CHST12: variants seen among roughly 807,000 people sequenced by gnomAD.
CHST12 encodes carbohydrate (chondroitin 4) sulfotransferase 12.
In CHST12, 23 loss-of-function variants were observed where a neutral mutation model predicts 27.9. That is an observed-to-expected ratio of 0.82 (90% confidence interval 0.59 to 1.17). The LOEUF (loss-of-function observed/expected upper bound fraction) is 1.17. Among genes scored for constraint, CHST12 ranks in the 50% most tolerant of loss-of-function variants. The pLI, the probability that CHST12 is intolerant of heterozygous loss-of-function variation, is 0.00. For synonymous variants in CHST12, 322 were observed against 273.0 expected, an observed-to-expected ratio of 1.18 and a Z score of -1.77; for missense variants, 682 against 603.0, an observed-to-expected ratio of 1.13 and a Z score of -1.37.
chr7:2,417,793 C>G (rs1306138693), intron 1 of CHST12, among the ~76,000 whole-genome samples: 1 of 152,206 alleles, frequency 6.6e-6, no homozygotes, highest in South Asian at 2.1e-4. Flanking sequence ...GGATGTTACT[C>G]TCCTCCAGAA....
Position 2,411,357 on chromosome 7 carries a change from C to T in CHST12, c.-78+7684C>T, listed in dbSNP as rs566320528. Among the ~76,000 whole-genome samples, 3 of 152,272 alleles carry T rather than the reference C, an allele frequency of 2.0e-5. No individual in the cohort carries two copies. In the South Asian group the frequency reaches 6.2e-4, roughly 32 times the overall value. ...TTGGCCACCTAAAGTGTTGGGATTA[C>T]AGGCATCAGCCACTGCACCTGGCTG... On this transcript the variant is annotated intron_variant, in intron 1 of 1. Transcript: ENST00000618655.
Position 2,433,888 on chromosome 7 carries a change from C to A in CHST12, c.*4C>A. ...CGAAAACCTCCTCCGAGACTGAAAG[C>A]TTTCGCGTTGCTTTTTCTCGCGTGC... On this transcript the variant is annotated 3_prime_UTR_variant, in exon 2 of 2. Transcript: ENST00000618655. The surrounding 1 kb of genome is among the most constrained non-coding windows in gnomAD (Gnocchi z 6.1). 6.4e-7 allele frequency: 1 copy of A among 1,553,970 alleles called. No homozygotes were observed. Among genetic ancestry groups the A allele is most frequent in the South Asian group, 1.2e-5 (1 of 86,106 alleles).
Position 2,439,878 on chromosome 7 carries a change from T to G in CHST12, c.*5994T>G, listed in dbSNP as rs1782560581. 6.6e-6 allele frequency: 1 copy of G among 151,828 alleles called. No individual in the cohort carries two copies. Among genetic ancestry groups the G allele is most frequent in the Non-Finnish European group, 1.5e-5 (1 of 67,976 alleles). The allele number at this position is 151,828 out of a possible 1,614,324, so 9.4% of individuals were successfully genotyped here. ...CTGGGCGACAGAGCGAGACTCCGTC[T>G]CAAAAAAAAATTTTTTTTTTTGGTA... On this transcript the variant is annotated 3_prime_UTR_variant, in exon 2 of 2. Coordinates refer to ENST00000618655, the MANE Select transcript of CHST12 (RefSeq NM_018641.5).
rs947567953 is a variant in CHST12, at chr7:2,433,718, G to C, written c.1079G>C (p.Arg360Pro). ...CTGCTGCAGCTACTCCAGGTGGACC[G>C]GCAGCTCCGCTTCCCCCCGAGCTAC... is the stretch of plus-strand genomic sequence containing the variant. ...AQLLQLLQVD[R>P]QLRFPPSYRN... is the part of the protein sequence containing the mutation. Residue 360 changes from arginine to proline, a missense_variant, in exon 2 of 2, where the codon CGG becomes CCG. Transcript: ENST00000618655. The surrounding 1 kb of genome is among the most constrained non-coding windows in gnomAD (Gnocchi z 6.1). 9 of 1,613,564 alleles carry C rather than the reference G, an allele frequency of 5.6e-6. No individual in the cohort carries two copies. Among genetic ancestry groups the C allele is most frequent in the Middle Eastern group, 3.3e-4 (2 of 6,062 alleles).
chr7:2,413,790 G>A (rs887589932), intron 1 of CHST12, among the ~76,000 whole-genome samples: 3 of 146,750 alleles, frequency 2.0e-5, no homozygotes, highest in East Asian at 4.0e-4. Flanking sequence ...GTGCAGTGGC[G>A]TGATCTTGGC....
In CHST12 at chr7:2,433,545, C is replaced by G. The variant is rs1450097506; in HGVS notation, c.906C>G (p.Asn302Lys). ...FRAGLKVSFA[N>K]FIQYLLDPHT... ...CTGGCCTCAAGGTGTCCTTCGCCAA[C>G]TTCATCCAGTACCTGCTGGACCCGC... is the stretch of plus-strand genomic sequence containing the variant. The change falls in exon 2 of 2, where the codon AAC (asparagine) becomes AAG (lysine). Residue 302 changes from asparagine to lysine, a missense_variant. Physicochemically the swap from Asn to Lys is moderately conservative, Grantham distance 94 (BLOSUM62 0). Transcript: ENST00000618655. This position sits in a 1 kb window ranked among gnomAD's most constrained non-coding sequence, Gnocchi z 6.1. 1.2e-6 allele frequency: 2 copies of G among 1,613,276 alleles called. No individual in the cohort carries two copies. The highest frequency in any genetic ancestry group is 1.7e-6 in the Non-Finnish European group (2 of 1,179,984).
At chr7:2,424,564 CG>C (rs1449858488) in intron 1 of CHST12, among the ~76,000 whole-genome samples, 2 of 152,172 alleles carry the variant, frequency 1.3e-5, no homozygotes, top group Non-Finnish European at 2.9e-5. Flanking sequence ...GACTCTCCCC[CG>C]GAAGACTCCC....
chr7:2,406,718 C>G (rs1781535931), intron 1 of CHST12, among the ~76,000 whole-genome samples: 2 of 152,154 alleles, frequency 1.3e-5, no homozygotes, highest in South Asian at 4.1e-4. Context: ...GCAGACCCAG[C>G]TGGATCCCTT....
chr7:2,421,507 G>A (rs1333696261), intron 1 of CHST12, among the ~76,000 whole-genome samples: 1 of 151,116 alleles, frequency 6.6e-6, no homozygotes, highest in Non-Finnish European at 1.5e-5. Context: ...CGCGATCTTG[G>A]CTCACTGCAA....
intron 1 of CHST12, among the ~76,000 whole-genome samples, chr7:2,413,124 T>C (rs1236739104): frequency 6.6e-6 from 1 of 152,234 alleles, no homozygotes; most frequent in African/African-American, 2.4e-5. Flanking sequence ...CCTAGTTTGT[T>C]CTTCTTTTGT....
intron 1 of CHST12, among the ~76,000 whole-genome samples, chr7:2,412,739 C>CTACA (rs1438356672): frequency 6.6e-6 from 1 of 152,296 alleles, no homozygotes; most frequent in Non-Finnish European, 1.5e-5. Flanking sequence ...ACACTGCTAG[C>CTACA]TATGTAGACT....
Position 2,447,090 on chromosome 7 carries a change from C to A in CHST12, c.*13206C>A. 6.6e-6 allele frequency: 1 copy of A among 152,490 alleles called. No individual in the cohort carries two copies. 9.4% of individuals were successfully genotyped at this position (152,490 alleles called of 1,614,324 possible). On this transcript the variant is annotated 3_prime_UTR_variant, in exon 2 of 2. Transcript: ENST00000618655. ...CAGCTGCAGAGCAGAGGAGAGTGGC[C>A]CCCAGGGACCAGCAGCACGAAAGGC...
At chr7:2,427,581 C>A (rs992402177) in intron 1 of CHST12, among the ~76,000 whole-genome samples, 3 of 152,014 alleles carry the variant, frequency 2.0e-5, no homozygotes, top group South Asian at 4.1e-4. Context: ...TGCCACCCCC[C>A]CCTACAGAGA....
intron 1 of CHST12, among the ~76,000 whole-genome samples, chr7:2,419,968 C>CTTTTTTTT (rs869252983): frequency 3.8e-4 from 31 of 81,404 alleles, no homozygotes; most frequent in Middle Eastern, 0.016. Flanking sequence ...AAATATTTGT[C>CTTTTTTTT]TTTTTTTTTT....
At position 2,441,461 on chromosome 7, in the gene CHST12, G is replaced by C. The variant is rs903573259; in HGVS notation, c.*7577G>C. On this transcript the variant is annotated 3_prime_UTR_variant, in exon 2 of 2. Coordinates refer to ENST00000618655, the MANE Select transcript of CHST12 (RefSeq NM_018641.5). Reference sequence around the variant, plus strand: ...TAATCCCACCATTTTGGGAGCTCAAGGCAGGAGTATTGCTTGAGCCCAGAA... The same window carrying C: ...TAATCCCACCATTTTGGGAGCTCAACGCAGGAGTATTGCTTGAGCCCAGAA... 3.3e-5 allele frequency: 5 copies of C among 152,246 alleles called. No homozygotes were observed. Among genetic ancestry groups the C allele is most frequent in the Non-Finnish European group, 4.4e-5 (3 of 68,060 alleles). 9.4% of individuals were successfully genotyped at this position (152,246 alleles called of 1,614,324 possible).
chr7:2,428,524 C>T (rs968450449), intron 1 of CHST12, among the ~76,000 whole-genome samples: 1 of 152,172 alleles, frequency 6.6e-6, no homozygotes, highest in African/African-American at 2.4e-5. Context: ...CCTTCTGGTC[C>T]TGCGATGCCG....
chr7:2,419,185 G>C (rs1050178614), intron 1 of CHST12, among the ~76,000 whole-genome samples: 1 of 152,120 alleles, frequency 6.6e-6, no homozygotes, highest in East Asian at 1.9e-4. Context: ...GAGGCAGGTA[G>C]ATCACTTGAG....
At chr7:2,414,935 T>C (rs1781765718) in intron 1 of CHST12, among the ~76,000 whole-genome samples, 1 of 152,234 alleles carries the variant, frequency 6.6e-6, no homozygotes, top group African/African-American at 2.4e-5. Context: ...TGGATCTCTT[T>C]TGGGACTTTG....
chr7:2,428,581 C>T lies in CHST12; in HGVS notation c.-77-3982C>T, dbSNP rs113496359. 9.2e-5 allele frequency among the ~76,000 whole-genome samples: 14 copies of T among 151,960 alleles called. No homozygotes were observed. In the South Asian group the frequency reaches 1.5e-3, roughly 16 times the overall value. On this transcript the variant is annotated intron_variant, in intron 1 of 1. Coordinates refer to ENST00000618655, the MANE Select transcript of CHST12 (RefSeq NM_018641.5). ...CATTTATTATTAAGTTTAGTGAGGG[C>T]GGGGGTAGGTTAGTGAGGGATTTAG...
Sources: gnomAD v4.1 joint callset for allele counts (sites outside exome capture counted in the v4.1 genomes callset) on GRCh38, gnomAD v4.1.1 for gene constraint, Gnocchi (gnomAD v3.1) non-coding constraint, MANE v1.5 for transcripts, NCBI Gene and HGNC (gene_info 2026-07-23, HGNC 2026-07-21) for gene names.